SPTAN1: variants seen among roughly 807,000 people sequenced by gnomAD.
SPTAN1 encodes the protein spectrin alpha, non-erythrocytic 1.
A neutral mutation model predicts 331.3 loss-of-function variants in SPTAN1; 61 were observed. That is an observed-to-expected ratio of 0.18 (90% CI 0.15 to 0.23). SPTAN1 has a LOEUF of 0.23. Ranked by LOEUF, SPTAN1 falls within the 10% of genes least tolerant of loss-of-function variation. The probability of loss-of-function intolerance (pLI) is 1.00; values close to 1 mark genes in which losing one functional copy is unlikely to be tolerated. For synonymous variants in SPTAN1, 1,153 were observed against 1,173.9 expected, an observed-to-expected ratio of 0.98 and a Z score of 0.36; for missense variants, 2,043 against 3,147.9, an observed-to-expected ratio of 0.65 and a Z score of 8.40.
At position 128,581,041 on chromosome 9, in the gene SPTAN1, C is replaced by T. The variant is rs765830586; in HGVS notation, c.1443C>T (p.Asn481=). ...ACCGGGACACTGAGCAGGTGGACAA[C>T]TGGATGAGCAAGCAGGAGGTAATCT... ...LFYRDTEQVD[N]WMSKQEAFLL... is the part of the protein sequence containing the mutation. The change falls in exon 11 of 57, where the codon AAC becomes AAT. Residue 481 remains asparagine, a synonymous_variant. Transcript: ENST00000372739. 1 of 1,614,076 alleles carries T rather than the reference C, an allele frequency of 6.2e-7. No homozygotes were observed. Among genetic ancestry groups the T allele is most frequent in the Admixed American group, 1.7e-5 (1 of 60,024 alleles).
intron 3 of SPTAN1, among the ~76,000 whole-genome samples, chr9:128,573,617 C>T (rs559699073): frequency 3.3e-5 from 5 of 151,982 alleles, no homozygotes; most frequent in South Asian, 2.1e-4. Flanking sequence ...CCACCATGCC[C>T]GGCTAATTTA....
intron 3 of SPTAN1, among the ~76,000 whole-genome samples, chr9:128,572,191 T>G (rs1376897039): frequency 6.6e-6 from 1 of 152,178 alleles, no homozygotes; most frequent in African/African-American, 2.4e-5. Flanking sequence ...CTGTACTTCA[T>G]TCCTGTCTTC....
Position 128,577,839 on chromosome 9 carries a change from G to A in SPTAN1, c.1086-271G>A, listed in dbSNP as rs911449332. Among the ~76,000 whole-genome samples, 10 of 151,764 alleles carry A rather than the reference G, an allele frequency of 6.6e-5. No individual in the cohort carries two copies. The highest frequency in any genetic ancestry group is 2.4e-4 in the African/African-American group (10 of 41,320). On this transcript the variant is annotated intron_variant, in intron 8 of 56. Transcript: ENST00000372739. This position sits in a 1 kb window ranked among gnomAD's most constrained non-coding sequence, Gnocchi z 4.2. ...AAGGAAAAGAATCCTTGCTAGCCAA[G>A]GGTTGAACCTGGGAATAACAAGGAA... is the stretch of plus-strand genomic sequence containing the variant.
intron 21 of SPTAN1, among the ~76,000 whole-genome samples, chr9:128,589,808 C>G (rs1853225511): frequency 6.6e-6 from 1 of 151,944 alleles, no homozygotes; most frequent in Non-Finnish European, 1.5e-5. Flanking sequence ...ATCTCCTGAC[C>G]TCGTGATCCA....
intron 31 of SPTAN1, among the ~76,000 whole-genome samples, chr9:128,607,016 T>A (rs1282399347): frequency 6.6e-6 from 1 of 152,174 alleles, no homozygotes; most frequent in African/African-American, 2.4e-5. Flanking sequence ...TGGATTTGCC[T>A]CTTCTGGACA....
chr9:128,579,470 G>T (rs1851689630), intron 9 of SPTAN1, among the ~76,000 whole-genome samples, 167 bp from the exon 10 acceptor site: 1 of 152,186 alleles, frequency 6.6e-6, no homozygotes, highest in African/African-American at 2.4e-5. Flanking sequence ...TCTCACATTT[G>T]ATGACCTAGA....
rs1858566042 is a variant in SPTAN1, at chr9:128,625,304, G to A, written c.6069+125G>A. ...TGGGGATCAGCAGGAAAAAGATCCT[G>A]TCCTGGTCCTCAGGGAGCTTCCAGA... is the stretch of plus-strand genomic sequence containing the variant. On this transcript the variant is annotated intron_variant, in intron 47 of 56. Coordinates refer to ENST00000372739, the MANE Select transcript of SPTAN1 (RefSeq NM_001130438.3). This position sits in a 1 kb window ranked among gnomAD's most constrained non-coding sequence, Gnocchi z 4.1. The A allele has an allele frequency of 1.0e-6, 1 of 984,542 alleles. No individual in the cohort carries two copies. Among genetic ancestry groups the A allele is most frequent in the Non-Finnish European group, 1.6e-6 (1 of 634,646 alleles). The allele number at this position is 984,542 out of a possible 1,614,324, so 61.0% of individuals were successfully genotyped here.
chr9:128,557,924 C>T (rs1200195069), intron 1 of SPTAN1, among the ~76,000 whole-genome samples: 1 of 151,718 alleles, frequency 6.6e-6, no homozygotes, highest in Non-Finnish European at 1.5e-5. Context: ...CTGCCTCAGC[C>T]TCCCGAATAG....
intron 39 of SPTAN1, among the ~76,000 whole-genome samples, chr9:128,612,812 G>T (rs1044813095): frequency 6.6e-6 from 1 of 152,130 alleles, no homozygotes; most frequent in African/African-American, 2.4e-5. Context: ...TGTAATCCCA[G>T]CTACTCAGGA....
intron 51 of SPTAN1, chr9:128,628,248 C>A: frequency 1.9e-6 from 1 of 532,504 alleles, no homozygotes; most frequent in East Asian, 4.2e-5. Flanking sequence ...GTCCAGAGGC[C>A]CTAAGAACCC....
chr9:128,562,496 C>T (rs1005950888), intron 1 of SPTAN1, among the ~76,000 whole-genome samples: 1 of 152,034 alleles, frequency 6.6e-6, no homozygotes, highest in African/African-American at 2.4e-5. Context: ...TGGACCCTGT[C>T]CAGGACCTGT....
At position 128,581,806 on chromosome 9, in the gene SPTAN1, G is replaced by A; in HGVS notation, c.1486G>A (p.Gly496Arg). The change falls in exon 12 of 57, where the codon GGA becomes AGA. Residue 496 changes from glycine to arginine, a missense_variant. Gly to Arg is a moderately radical substitution (Grantham distance 125). This residue lies in a region of SPTAN1 where 1,038 missense variants were observed against 1,531.5 expected (regional missense o/e 0.68). Coordinates refer to ENST00000372739, the MANE Select transcript of SPTAN1 (RefSeq NM_001130438.3). ...GGCGTTCCTGTTGAATGAAGACTTGGGAGATTCCTTGGATAGTGTGGAAGC... is the reference window on the plus strand; with the variant it reads ...GGCGTTCCTGTTGAATGAAGACTTGAGAGATTCCTTGGATAGTGTGGAAGC... ...QEAFLLNEDL[G>R]DSLDSVEALL... The A allele has an allele frequency of 6.2e-7, 1 of 1,614,074 alleles. No individual in the cohort carries two copies. Among genetic ancestry groups the A allele is most frequent in the Non-Finnish European group, 8.5e-7 (1 of 1,179,954 alleles).
chr9:128,575,908 G>A (rs1273284298), intron 5 of SPTAN1, among the ~76,000 whole-genome samples: 4 of 152,148 alleles, frequency 2.6e-5, no homozygotes, highest in African/African-American at 7.2e-5. Flanking sequence ...TCAAGTACTC[G>A]GAACCAGAGA....
chr9:128,579,535 A>G, intron 9 of SPTAN1, 102 bp from the exon 10 acceptor site: 2 of 846,078 alleles, frequency 2.4e-6, no homozygotes, highest in South Asian at 2.8e-5. Flanking sequence ...CTCATTTTAG[A>G]TGTCATAGTC....
At chr9:128,630,435 A>G in intron 52 of SPTAN1, 60 bp downstream of exon 52, 1 of 1,562,248 alleles carries the variant, frequency 6.4e-7, no homozygotes, top group Non-Finnish European at 8.8e-7. Context: ...CCCCCAGGGT[A>G]CCCCTTCCCT....
intron 1 of SPTAN1, among the ~76,000 whole-genome samples, chr9:128,554,364 G>A (rs1172082343): frequency 6.6e-6 from 1 of 152,194 alleles, no homozygotes; most frequent in Non-Finnish European, 1.5e-5. Flanking sequence ...GAGAAATCTG[G>A]TATGTCACAG....
chr9:128,580,573 T>G (rs7036199), intron 10 of SPTAN1, among the ~76,000 whole-genome samples: 147,298 of 152,120 alleles, frequency 0.97, 71,474 homozygotes, highest in Non-Finnish European at 1. Context: ...CAGTTGACAT[T>G]TCTTAGTGGA....
chr9:128,606,408 C>T (rs776789116), intron 31 of SPTAN1, among the ~76,000 whole-genome samples: 1 of 143,736 alleles, frequency 7.0e-6, no homozygotes, highest in Non-Finnish European at 1.5e-5. Flanking sequence ...CTCTACTTTC[C>T]TATCCAAGTA....
intron 52 of SPTAN1, 120 bp downstream of exon 52, chr9:128,630,495 C>A: frequency 1.0e-6 from 1 of 995,476 alleles, no homozygotes; most frequent in East Asian, 2.4e-5. Flanking sequence ...ACCCTTTTCC[C>A]TTGGCCTAAA....
Sources: gnomAD v4.1 joint callset for allele counts (sites outside exome capture counted in the v4.1 genomes callset) on GRCh38, gnomAD v4.1.1 for gene constraint, gnomAD v4.1.1 regional missense constraint, Gnocchi (gnomAD v3.1) non-coding constraint, MANE v1.5 for transcripts, NCBI Gene and HGNC (gene_info 2026-07-23, HGNC 2026-07-21) for gene names.